Variants in CRYAB observed in about 807,000 individuals in gnomAD.
CRYAB encodes the protein alpha-crystallin B chain.
In CRYAB, 9 loss-of-function variants were observed where a neutral mutation model predicts 12.7. That is an observed-to-expected ratio of 0.71 (90% CI 0.43 to 1.24). The LOEUF is 1.24. Among genes scored for constraint, CRYAB ranks in the 50% most tolerant of loss-of-function variants. The probability of loss-of-function intolerance (pLI) is 0.00; values close to 1 mark genes in which losing one functional copy is unlikely to be tolerated. For missense variants in CRYAB, 183 were observed against 226.6 expected, an observed-to-expected ratio of 0.81 and a Z score of 1.24; for synonymous variants, 93 against 86.8, an observed-to-expected ratio of 1.07 and a Z score of -0.40.
chr11:111,911,419 C>T, intron 1 of CRYAB, 105 bp downstream of exon 1: 1 of 1,153,486 alleles, frequency 8.7e-7, no homozygotes, highest in Non-Finnish European at 1.3e-6. Context: ...TTTGGACACA[C>T]ATGTGCCTAA....
At chr11:111,913,833 T>C (rs1965551271), upstream of CRYAB, 4 of 1,613,972 alleles carry the variant, frequency 2.5e-6, no homozygotes, top group Non-Finnish European at 3.4e-6. Flanking sequence ...GGTCTACATC[T>C]CCCTGCTCCC....
At chr11:111,909,852 C>A (rs1555165346) in intron 2 of CRYAB, 1 of 397,778 alleles carries the variant, frequency 2.5e-6, no homozygotes, top group East Asian at 5.0e-5. Flanking sequence ...TGTCTGACAG[C>A]CCTATACCTA....
intron 1 of CRYAB, chr11:111,919,140 C>A: frequency 1.0e-6 from 1 of 976,938 alleles, no homozygotes; most frequent in Non-Finnish European, 1.6e-6. Flanking sequence ...CCTCCTTGTT[C>A]CAACACCAGA....
upstream of CRYAB, chr11:111,913,232 C>T (rs1367939890): frequency 3.4e-6 from 2 of 585,810 alleles, no homozygotes; most frequent in East Asian, 2.9e-5. Context: ...TCCTCCTTCT[C>T]CTCCTCCTCC....
intron 1 of CRYAB, among the ~76,000 whole-genome samples, chr11:111,911,193 T>C (rs1555165502): frequency 2.6e-5 from 4 of 152,042 alleles, no homozygotes; most frequent in South Asian, 2.1e-4. Flanking sequence ...GAGTCCAAGG[T>C]GTTGGAAGAG....
chr11:111,909,036 C>T (rs1442043912), intron 2 of CRYAB, 69 bp from the exon 3 acceptor site: 1 of 1,528,546 alleles, frequency 6.5e-7, no homozygotes. Context: ...GCCCAGAACT[C>T]AGGCATCCTG....
chr11:111,912,532 C>T (rs1339097026), upstream of CRYAB: 2 of 488,822 alleles, frequency 4.1e-6, no homozygotes, highest in Non-Finnish European at 7.4e-6. Flanking sequence ...ACCAGCTCCC[C>T]CTCCCCAGCT....
Position 111,919,124 on chromosome 11 carries a change from C to T in CRYAB, c.-199+4579G>A, listed in dbSNP as rs1350016948. 7.3e-6 allele frequency: 8 copies of T among 1,095,280 alleles called. No individual in the cohort carries two copies. In the African/African-American group the frequency reaches 9.4e-5, roughly 13 times the overall value. The allele number at this position is 1,095,280 out of a possible 1,614,324, so 67.8% of individuals were successfully genotyped here. On this transcript the variant is annotated intron_variant, in intron 1 of 3. Transcript: ENST00000527950. ...GCCTCCCACTGCCACCTTCCTCTGC[C>T]TGGTACCTCCTTGTTCCAACACCAG...
intron 1 of CRYAB, among the ~76,000 whole-genome samples, chr11:111,919,880 A>G (rs1184013127): frequency 2.6e-5 from 4 of 152,210 alleles, no homozygotes; most frequent in African/African-American, 9.6e-5. Flanking sequence ...AAGCAAGTCA[A>G]CTTTGAAGCA....
Position 111,909,595 on chromosome 11 carries a change from G to A in CRYAB, c.325-628C>T, listed in dbSNP as rs781863192. Among the ~76,000 whole-genome samples, 239 of 152,314 alleles carry A rather than the reference G, an allele frequency of 1.6e-3. 1 individual carries two copies. The highest frequency in any genetic ancestry group is 3.4e-3 in the Middle Eastern group (1 of 294). On this transcript the variant is annotated intron_variant, in intron 2 of 2. Coordinates refer to ENST00000650687, the MANE Select transcript of CRYAB (RefSeq NM_001289808.2). ...TTTGTCAGAACTCCCCCAAAGAGTA[G>A]ATGACCTTAACCCGTATGCCTGCTG...
chr11:111,910,516 T>C, intron 1 of CRYAB, 67 bp from the exon 2 acceptor site: 2 of 1,578,554 alleles, frequency 1.3e-6, no homozygotes, highest in South Asian at 2.2e-5. Flanking sequence ...ACACAGGTGC[T>C]GTCTTATTCT....
upstream of CRYAB, chr11:111,912,473 C>T (rs1555165694): frequency 8.2e-6 from 3 of 366,682 alleles, no homozygotes; most frequent in Middle Eastern, 7.9e-4. Flanking sequence ...TGGAAACGTG[C>T]AAACCGTTTG....
chr11:111,918,596 T>C (rs1372445427), intron 1 of CRYAB: 14 of 640,196 alleles, frequency 2.2e-5, no homozygotes, highest in Non-Finnish European at 3.4e-5. Flanking sequence ...CACTCATCTA[T>C]TATAGAGGAT....
At position 111,911,417 on chromosome 11, in the gene CRYAB, C is replaced by G; in HGVS notation, c.201+107G>C. The G allele has an allele frequency of 3.5e-6, 4 of 1,141,812 alleles. No individual in the cohort carries two copies. In the South Asian group the frequency reaches 4.0e-5, roughly 11 times the overall value. The allele number at this position is 1,141,812 out of a possible 1,614,324, so 70.7% of individuals were successfully genotyped here. ...CCTCATTTTTCTTCACATTTGGACA[C>G]ACATGTGCCTAAAATGGTTTAGGCA... On this transcript the variant is annotated intron_variant, in intron 1 of 2. Transcript: ENST00000650687.
At chr11:111,912,077 G>T (rs116253003), upstream of CRYAB, 2,066 of 277,466 alleles carry the variant, frequency 7.4e-3, 39 homozygotes, top group African/African-American at 0.042. Context: ...CACGCGGGGT[G>T]GGGGGAGGAT....
At chr11:111,916,419 C>T (rs587655034), upstream of CRYAB, among the ~76,000 whole-genome samples, 7 of 152,116 alleles carry the variant, frequency 4.6e-5, no homozygotes, top group East Asian at 3.9e-4. Context: ...GACTGGGTTT[C>T]GCCATGTTGT....
chr11:111,919,249 C>G (rs1345415888), intron 1 of CRYAB: 3 of 514,566 alleles, frequency 5.8e-6, no homozygotes, highest in Non-Finnish European at 1.1e-5. Flanking sequence ...CCGAGGCCGG[C>G]GGATCACGAG....
chr11:111,921,574 T>C (rs1387049210), intron 1 of CRYAB, among the ~76,000 whole-genome samples: 3 of 152,178 alleles, frequency 2.0e-5, no homozygotes, highest in Non-Finnish European at 4.4e-5. Context: ...CTTTAAACTC[T>C]GAGGTGCCCT....
At chr11:111,917,504 T>C (rs1235974213), upstream of CRYAB, among the ~76,000 whole-genome samples, 3 of 151,840 alleles carry the variant, frequency 2.0e-5, no homozygotes, top group African/African-American at 7.3e-5. Flanking sequence ...AGGGGCAACA[T>C]AGCAAGACCC....
Sources: allele counts gnomAD v4.1 joint callset (sites outside exome capture counted in the v4.1 genomes callset), GRCh38; gene constraint gnomAD v4.1.1; transcripts MANE v1.5; gene names NCBI Gene and HGNC (gene_info 2026-07-23, HGNC 2026-07-21).